Variants in TCF7L1 observed in about 807,000 individuals in gnomAD.
TCF7L1 encodes the protein transcription factor 7-like 1.
A neutral mutation model predicts 63.7 loss-of-function variants in TCF7L1; 18 were observed. That is an observed-to-expected ratio of 0.28 (90% CI 0.20 to 0.42). TCF7L1 has a LOEUF of 0.42. Ranked by LOEUF, TCF7L1 falls within the 10% of genes least tolerant of loss-of-function variation. The pLI is 1.00. For synonymous variants in TCF7L1, 355 were observed against 340.9 expected, an observed-to-expected ratio of 1.04 and a Z score of -0.46; for missense variants, 654 against 779.3, an observed-to-expected ratio of 0.84 and a Z score of 1.91.
chr2:85,290,971 T>G (rs1681701294), intron 4 of TCF7L1, among the ~76,000 whole-genome samples: 1 of 152,236 alleles, frequency 6.6e-6, no homozygotes, highest in African/African-American at 2.4e-5. Context: ...GGGGTCATTC[T>G]TCCCTCTTCT....
At chr2:85,150,376 G>A (rs543858426) in intron 3 of TCF7L1, among the ~76,000 whole-genome samples, 4 of 152,244 alleles carry the variant, frequency 2.6e-5, no homozygotes, top group African/African-American at 9.6e-5. Context: ...TGAGACTACA[G>A]GCGCCCGCCA....
intron 3 of TCF7L1, among the ~76,000 whole-genome samples, chr2:85,137,892 C>CAAAA (rs374829785): frequency 4.4e-5 from 3 of 67,634 alleles, no homozygotes; most frequent in Admixed American, 3.5e-4. Flanking sequence ...GACTCTGCCT[C>CAAAA]AAAAAAAAAA....
chr2:85,158,791 C>T (rs768560949), intron 3 of TCF7L1, among the ~76,000 whole-genome samples: 36 of 152,346 alleles, frequency 2.4e-4, no homozygotes, highest in Non-Finnish European at 2.9e-4. Context: ...GGTTGAAGGC[C>T]GGCCCTTTGG....
At chr2:85,224,072 A>G (rs1367824542) in intron 3 of TCF7L1, among the ~76,000 whole-genome samples, 3 of 152,216 alleles carry the variant, frequency 2.0e-5, no homozygotes, top group Non-Finnish European at 2.9e-5. Flanking sequence ...TTTGCTGAGA[A>G]TGATGGTTTC....
At chr2:85,261,757 T>C (rs1161586405) in intron 3 of TCF7L1, among the ~76,000 whole-genome samples, 2 of 151,784 alleles carry the variant, frequency 1.3e-5, no homozygotes, top group Non-Finnish European at 2.9e-5. Flanking sequence ...TGTGGTGATG[T>C]GTGCCTATAG....
At chr2:85,140,439 A>G (rs962702836) in intron 3 of TCF7L1, among the ~76,000 whole-genome samples, 1 of 150,910 alleles carries the variant, frequency 6.6e-6, no homozygotes, top group Non-Finnish European at 1.5e-5. Context: ...GCATTGGGTA[A>G]GGTAGGAGAA....
At chr2:85,142,090 A>G (rs1677750558) in intron 3 of TCF7L1, among the ~76,000 whole-genome samples, 1 of 152,094 alleles carries the variant, frequency 6.6e-6, no homozygotes, top group Non-Finnish European at 1.5e-5. Flanking sequence ...CCCTCCTTTT[A>G]TTATCTGGAG....
At chr2:85,163,338 G>GC (rs1484414583) in intron 3 of TCF7L1, among the ~76,000 whole-genome samples, 2 of 152,050 alleles carry the variant, frequency 1.3e-5, no homozygotes, top group African/African-American at 4.8e-5. Flanking sequence ...TGAGGTATTG[G>GC]CCCCCCTCCC....
At chr2:85,300,344 C>A (rs1030456900) in intron 4 of TCF7L1, among the ~76,000 whole-genome samples, 1 of 152,172 alleles carries the variant, frequency 6.6e-6, no homozygotes, top group African/African-American at 2.4e-5. Context: ...TCCTGGAAAT[C>A]TGATCTTACA....
chr2:85,201,754 C>T (rs1679277544), intron 3 of TCF7L1, among the ~76,000 whole-genome samples: 1 of 152,142 alleles, frequency 6.6e-6, no homozygotes, highest in Non-Finnish European at 1.5e-5. Context: ...TCTACATCCT[C>T]ATCAACACTT....
At chr2:85,227,126 C>A (rs1679974608) in intron 3 of TCF7L1, among the ~76,000 whole-genome samples, 1 of 152,172 alleles carries the variant, frequency 6.6e-6, no homozygotes, top group African/African-American at 2.4e-5. Context: ...AATGTTCACT[C>A]CTATGCTGTT....
rs968769578 is a variant in TCF7L1 at position 85,149,533 on chromosome 2, C to CT, written c.441+15093dup. On this transcript the variant is annotated intron_variant, in intron 3 of 11. Transcript: ENST00000282111. ...CCCTAAATTTGCCTTCTTTCTGTAA[C>CT]TTTTTTTTTTGAGATAGAGTCTGGC... 2.0e-4 allele frequency among the ~76,000 whole-genome samples: 30 copies of CT among 149,704 alleles called. 1 individual carries two copies. The highest frequency in any genetic ancestry group is 1.4e-3 in the East Asian group (7 of 5,134).
chr2:85,187,350 T>C (rs764270282), intron 3 of TCF7L1: 1 of 152,178 alleles, frequency 6.6e-6, no homozygotes, highest in Non-Finnish European at 1.5e-5. Flanking sequence ...ACAGACTAGA[T>C]GGGGAGATGT....
intron 3 of TCF7L1, among the ~76,000 whole-genome samples, chr2:85,189,884 C>T (rs914133885): frequency 1.3e-5 from 2 of 152,176 alleles, no homozygotes; most frequent in African/African-American, 2.4e-5. Context: ...GCCCAGGGCC[C>T]GGGAGTGAGC....
chr2:85,268,836 G>A (rs1455057909), intron 3 of TCF7L1, among the ~76,000 whole-genome samples: 1 of 152,046 alleles, frequency 6.6e-6, no homozygotes, highest in Non-Finnish European at 1.5e-5. Flanking sequence ...GAGGAAATGA[G>A]CCTGGCTGTG....
chr2:85,190,709 T>G (rs570127028), intron 3 of TCF7L1, among the ~76,000 whole-genome samples: 10 of 152,212 alleles, frequency 6.6e-5, no homozygotes, highest in African/African-American at 1.9e-4. Context: ...GCCAAAGAGA[T>G]AGTAGAATCT....
At chr2:85,149,907 C>T (rs1677968346) in intron 3 of TCF7L1, among the ~76,000 whole-genome samples, 1 of 152,164 alleles carries the variant, frequency 6.6e-6, no homozygotes, top group Non-Finnish European at 1.5e-5. Flanking sequence ...TGTTAGATTG[C>T]ATCTCTGATA....
At position 85,303,920 on chromosome 2, in the gene TCF7L1, C is replaced by T. The variant is rs773630653; in HGVS notation, c.684C>T (p.Ser228=). 11 of 1,613,464 alleles carry T rather than the reference C, an allele frequency of 6.8e-6. No individual in the cohort carries two copies. The highest frequency in any genetic ancestry group is 5.3e-5 in the African/African-American group (4 of 74,860). ...KTGIPRPPHP[S]ELSPYYPLSP... ...GAATCCCCCGGCCCCCTCACCCATCCGAGCTGTCACCGTATTACCCACTCT... is the reference window on the plus strand; with the variant it reads ...GAATCCCCCGGCCCCCTCACCCATCTGAGCTGTCACCGTATTACCCACTCT... The change falls in exon 6 of 12, where the codon TCC becomes TCT. Residue 228 remains serine, a synonymous_variant. Coordinates refer to ENST00000282111, the MANE Select transcript of TCF7L1 (RefSeq NM_031283.3).
chr2:85,253,610 C>A (rs544419842), intron 3 of TCF7L1, among the ~76,000 whole-genome samples: 1 of 152,300 alleles, frequency 6.6e-6, no homozygotes, highest in South Asian at 2.1e-4. Flanking sequence ...TGGAACTGAT[C>A]TCAAGGCAGG....
Sources: gnomAD v4.1 joint callset for allele counts (sites outside exome capture counted in the v4.1 genomes callset) on GRCh38, gnomAD v4.1.1 for gene constraint, MANE v1.5 for transcripts, NCBI Gene and HGNC (gene_info 2026-07-23, HGNC 2026-07-21) for gene names.